Variants in PATJ observed in about 807,000 individuals in gnomAD.
PATJ encodes the protein inaD-like protein.
PATJ carries 190 observed loss-of-function variants against 224.9 expected under a neutral mutation model. The ratio of observed to expected loss-of-function variants is 0.84; its 90% confidence interval spans 0.75 to 0.95. The LOEUF (loss-of-function observed/expected upper bound fraction) is 0.95. Ranked by LOEUF, PATJ falls within the 40% of genes least tolerant of loss-of-function variation. The probability of loss-of-function intolerance (pLI) is 0.00; values close to 1 mark genes in which losing one functional copy is unlikely to be tolerated. For synonymous variants in PATJ, 769 were observed against 820.3 expected, an observed-to-expected ratio of 0.94 and a Z score of 1.07; for missense variants, 2,121 against 2,270.3, an observed-to-expected ratio of 0.93 and a Z score of 1.34.
At chr1:62,092,568 A>C (rs1213159607) in intron 33 of PATJ, among the ~76,000 whole-genome samples, 2 of 150,798 alleles carry the variant, frequency 1.3e-5, no homozygotes, top group Non-Finnish European at 2.9e-5. Context: ...GGCACCCACC[A>C]CCACACCCAG....
intron 32 of PATJ, among the ~76,000 whole-genome samples, chr1:62,081,814 A>G (rs1357012266): frequency 6.6e-6 from 1 of 152,126 alleles, no homozygotes; most frequent in Non-Finnish European, 1.5e-5. Context: ...TGATCCGCCC[A>G]CCTCAGCCTC....
At chr1:61,801,876 CATAAA>C in intron 12 of PATJ, 107 bp downstream of exon 12, 3 of 708,156 alleles carry the variant, frequency 4.2e-6, no homozygotes, top group Non-Finnish European at 6.3e-6. Context: ...ATTTTGGAGA[CATAAA>C]ATAGGATATT....
At chr1:62,060,542 G>A (rs1239670229) in intron 31 of PATJ, among the ~76,000 whole-genome samples, 1 of 151,644 alleles carries the variant, frequency 6.6e-6, no homozygotes, top group Non-Finnish European at 1.5e-5. Flanking sequence ...TAATTTTTTT[G>A]TATTTTTTAT....
intron 27 of PATJ, among the ~76,000 whole-genome samples, chr1:61,932,848 G>A (rs1447583569): frequency 6.6e-6 from 1 of 152,128 alleles, no homozygotes; most frequent in African/African-American, 2.4e-5. Context: ...GCAGTGAGCC[G>A]AGATTGCGCC....
intron 33 of PATJ, among the ~76,000 whole-genome samples, chr1:62,089,799 C>T (rs568309035): frequency 6.6e-6 from 1 of 152,126 alleles, no homozygotes; most frequent in South Asian, 2.1e-4. Context: ...AAGATGAGAG[C>T]ATATCAAAGC....
intron 31 of PATJ, among the ~76,000 whole-genome samples, chr1:62,064,430 G>A (rs1489635628): frequency 6.6e-6 from 1 of 151,734 alleles, no homozygotes. Flanking sequence ...CCAGGTTCAA[G>A]CGATTCTCTT....
intron 27 of PATJ, among the ~76,000 whole-genome samples, chr1:61,975,665 C>T (rs1644089396): frequency 6.6e-6 from 1 of 152,042 alleles, no homozygotes; most frequent in African/African-American, 2.4e-5. Flanking sequence ...GGTAATTCAT[C>T]TCCAAACACT....
chr1:61,882,203 TAGAG>T (rs1305371160), intron 21 of PATJ, among the ~76,000 whole-genome samples: 1 of 151,960 alleles, frequency 6.6e-6, no homozygotes, highest in East Asian at 1.9e-4. Flanking sequence ...TAAAAAGAAA[TAGAG>T]AATGTTTGAG....
At chr1:61,804,708 C>T (rs72929646) in intron 12 of PATJ, among the ~76,000 whole-genome samples, 6,978 of 152,192 alleles carry the variant, frequency 0.046, 225 homozygotes, top group East Asian at 0.12. Context: ...TACTATGCAC[C>T]GTGCACTGAG....
intron 27 of PATJ, among the ~76,000 whole-genome samples, chr1:61,971,363 C>T (rs766399588): frequency 2.0e-5 from 3 of 152,138 alleles, no homozygotes; most frequent in Non-Finnish European, 2.9e-5. Flanking sequence ...TTTAAAACAG[C>T]GTAAGGCCAG....
intron 22 of PATJ, among the ~76,000 whole-genome samples, chr1:61,886,004 A>T (rs1321726750): frequency 6.6e-6 from 1 of 151,406 alleles, no homozygotes; most frequent in East Asian, 1.9e-4. Context: ...AGGAAGAGGA[A>T]CATCACACTC....
intron 10 of PATJ, among the ~76,000 whole-genome samples, chr1:61,796,350 C>G (rs1285799802): frequency 6.6e-6 from 1 of 152,102 alleles, no homozygotes; most frequent in Non-Finnish European, 1.5e-5. Context: ...GCTAGAAGAC[C>G]TATTGGAGGG....
At chr1:61,867,946 C>T (rs898052847) in intron 20 of PATJ, among the ~76,000 whole-genome samples, 2 of 152,148 alleles carry the variant, frequency 1.3e-5, no homozygotes, top group African/African-American at 4.8e-5. Context: ...GGTGCCCTCC[C>T]AAATGGTGAA....
In PATJ at chr1:61,813,366, TATATATATATATAC is replaced by T. The variant is rs1462813383; in HGVS notation, c.1683+4838_1683+4851del. On this transcript the variant is annotated intron_variant, in intron 14 of 43. Coordinates refer to ENST00000642238, the MANE Select transcript of PATJ (RefSeq NM_001350145.3). The stretch of plus-strand genomic sequence containing the variant: ...ATATATATATATATATATATATATA[TATATATATATATAC>T]ACACACACACACACACACATACACA... Among the ~76,000 whole-genome samples the T allele has an allele frequency of 4.5e-3, 249 of 55,828 alleles. 1 individual carries two copies. Among genetic ancestry groups the T allele is most frequent in the African/African-American group, 0.018 (228 of 12,860 alleles). The allele number at this position is 55,828 out of a possible 152,430, so 36.6% of individuals were successfully genotyped here.
chr1:62,002,905 C>A (rs1645874787), intron 28 of PATJ, among the ~76,000 whole-genome samples: 3 of 152,044 alleles, frequency 2.0e-5, no homozygotes, highest in Admixed American at 6.6e-5. Context: ...CTAATTAGAT[C>A]AGCTGTTTTT....
chr1:61,938,734 T>A (rs1369928395), intron 27 of PATJ, among the ~76,000 whole-genome samples: 1 of 152,036 alleles, frequency 6.6e-6, no homozygotes, highest in East Asian at 1.9e-4. Context: ...ATAAAATCAG[T>A]TCAATATTTG....
At chr1:61,907,667 G>A (rs1020343612) in intron 24 of PATJ, among the ~76,000 whole-genome samples, 2 of 152,000 alleles carry the variant, frequency 1.3e-5, no homozygotes, top group African/African-American at 4.8e-5. Flanking sequence ...ATCACTATCC[G>A]TTGAGACCAC....
intron 26 of PATJ, among the ~76,000 whole-genome samples, chr1:61,924,663 C>T (rs1674841745): frequency 6.6e-6 from 1 of 152,032 alleles, no homozygotes; most frequent in Non-Finnish European, 1.5e-5. Flanking sequence ...TTATATAAAC[C>T]AATCAGAAAG....
chr1:62,089,770 A>G (rs1476473531), intron 33 of PATJ, among the ~76,000 whole-genome samples: 1 of 152,082 alleles, frequency 6.6e-6, no homozygotes, highest in African/African-American at 2.4e-5. Flanking sequence ...GCATCCAGCT[A>G]GCAGAAAGTT....
Sources: allele counts gnomAD v4.1 joint callset (sites outside exome capture counted in the v4.1 genomes callset), GRCh38; gene constraint gnomAD v4.1.1; transcripts MANE v1.5; gene names NCBI Gene and HGNC (gene_info 2026-07-23, HGNC 2026-07-21).